The following CPEB4 variants were observed in gnomAD, a reference collection of about 807,000 sequenced individuals.
CPEB4 encodes the protein cytoplasmic polyadenylation element binding protein 4.
CPEB4 carries 12 observed loss-of-function variants against 72.5 expected under a neutral mutation model. The observed-to-expected ratio is 0.17, with a 90% CI of 0.11 to 0.27. The LOEUF is 0.27. Ranked by LOEUF, CPEB4 falls within the 10% of genes least tolerant of loss-of-function variation. The pLI, the probability that CPEB4 is intolerant of heterozygous loss-of-function variation, is 1.00. For missense variants in CPEB4, 614 were observed against 908.5 expected (o/e 0.68, Z 4.17); for synonymous variants, 302 against 326.3 (o/e 0.93, Z 0.80).
At position 173,955,872 on chromosome 5, in the gene CPEB4, A is replaced by G. The variant is rs1480323743; in HGVS notation, c.1963-38A>G. 1 of 1,519,494 alleles carries G rather than the reference A, an allele frequency of 6.6e-7. No homozygotes were observed. The highest frequency in any genetic ancestry group is 1.7e-5 in the Admixed American group (1 of 58,684). 94.1% of individuals were successfully genotyped at this position (1,519,494 alleles called of 1,614,324 possible). On this transcript the variant is annotated intron_variant, in intron 9 of 9. Coordinates refer to ENST00000265085, the MANE Select transcript of CPEB4 (RefSeq NM_030627.4). This position sits in a 1 kb window ranked among gnomAD's most constrained non-coding sequence, Gnocchi z 4.7. ...CATGTATGGTAAGCATTGCTGGCCT[A>G]GTCACTGAAAAATGTAAACTCTTAT...
chr5:173,946,968 G>A (rs962169670), intron 5 of CPEB4, among the ~76,000 whole-genome samples: 1 of 151,752 alleles, frequency 6.6e-6, no homozygotes, highest in African/African-American at 2.4e-5. Context: ...TCCCCCCCAA[G>A]ATAAGGGCTC....
chr5:173,936,046 T>C (rs907535961), intron 3 of CPEB4, among the ~76,000 whole-genome samples: 1 of 152,226 alleles, frequency 6.6e-6, no homozygotes, highest in Non-Finnish European at 1.5e-5. Context: ...AATTTATTGC[T>C]GTGTTAATAG....
chr5:173,957,342 A>G lies in CPEB4; in HGVS notation c.*1205A>G, dbSNP rs1194254017. 1.3e-5 allele frequency: 2 copies of G among 152,802 alleles called. No homozygotes were observed. The highest frequency in any genetic ancestry group is 2.9e-5 in the Non-Finnish European group (2 of 68,042). The allele number at this position is 152,802 out of a possible 1,614,324, so 9.5% of individuals were successfully genotyped here. On this transcript the variant is annotated 3_prime_UTR_variant, in exon 10 of 10. Coordinates refer to ENST00000265085, the MANE Select transcript of CPEB4 (RefSeq NM_030627.4). The stretch of plus-strand genomic sequence containing the variant: ...CAGTTAAAAAAAGTGAAGTAGTTGC[A>G]AAGTGTTTTGCACTGTTGAACTAAG...
chr5:173,912,683 C>G (rs1333332772), intron 2 of CPEB4, among the ~76,000 whole-genome samples: 3 of 148,204 alleles, frequency 2.0e-5, no homozygotes, highest in Non-Finnish European at 4.5e-5. Flanking sequence ...GCTTATAATC[C>G]CAGCACTTTG....
At position 173,888,546 on chromosome 5, in the gene CPEB4, C is replaced by T; in HGVS notation, c.-1188C>T. Reference sequence around the variant, plus strand: ...CGGGACCAGGGTAAAGCGGCGACGGCGGCGACGGCCCAGCAACCGTGAGGA... The same window carrying T: ...CGGGACCAGGGTAAAGCGGCGACGGTGGCGACGGCCCAGCAACCGTGAGGA... On this transcript the variant is annotated 5_prime_UTR_variant, in exon 1 of 10. Transcript: ENST00000265085. This position sits in a 1 kb window ranked among gnomAD's most constrained non-coding sequence, Gnocchi z 4.3. The T allele has an allele frequency of 2.5e-6, 1 of 402,778 alleles. No homozygotes were observed. Among genetic ancestry groups the T allele is most frequent in the Non-Finnish European group, 4.4e-6 (1 of 228,954 alleles). 25.0% of individuals were successfully genotyped at this position (402,778 alleles called of 1,614,324 possible).
rs370259283 is a variant in CPEB4 at position 173,904,972 on chromosome 5, G to GATAATA, written c.1126-5510_1126-5505dup. ...GGCAACAGAGTGAGACCCTGTCTCA[G>GATAATA]ATAATAATAATAATAATAATAATAA... On this transcript the variant is annotated intron_variant, in intron 1 of 9. Transcript: ENST00000265085. 6.7e-3 allele frequency among the ~76,000 whole-genome samples: 842 copies of GATAATA among 125,222 alleles called. 4 individuals carry two copies. Among genetic ancestry groups the GATAATA allele is most frequent in the African/African-American group, 0.013 (458 of 34,722 alleles). The allele number at this position is 125,222 out of a possible 152,430, so 82.2% of individuals were successfully genotyped here.
chr5:173,926,265 C>CTTAT (rs1757237854), intron 2 of CPEB4, among the ~76,000 whole-genome samples: 1 of 152,168 alleles, frequency 6.6e-6, no homozygotes, highest in Non-Finnish European at 1.5e-5. Flanking sequence ...GAAAGTAATA[C>CTTAT]TTATATATAC....
chr5:173,927,512 T>C (rs551002284), intron 2 of CPEB4, among the ~76,000 whole-genome samples: 1 of 152,266 alleles, frequency 6.6e-6, no homozygotes, highest in East Asian at 1.9e-4. Context: ...GCGCAGTGGC[T>C]CAAGCCTGTA....
At chr5:173,925,171 C>T (rs1039464706) in intron 2 of CPEB4, among the ~76,000 whole-genome samples, 1 of 152,114 alleles carries the variant, frequency 6.6e-6, no homozygotes. Context: ...GCTGGAGTGC[C>T]TGATGTGGGA....
At chr5:173,945,633 G>C (rs765280157) in intron 5 of CPEB4, among the ~76,000 whole-genome samples, 3 of 152,214 alleles carry the variant, frequency 2.0e-5, no homozygotes, top group Non-Finnish European at 4.4e-5. Context: ...GAAGGTCCCT[G>C]CTTACATAGA....
At position 173,956,524 on chromosome 5, in the gene CPEB4, TA is replaced by T. The variant is rs1758383028; in HGVS notation, c.*391del. 1 of 157,250 alleles carries T rather than the reference TA, an allele frequency of 6.4e-6. No homozygotes were observed. The highest frequency in any genetic ancestry group is 1.4e-5 in the Non-Finnish European group (1 of 71,810). 9.7% of individuals were successfully genotyped at this position (157,250 alleles called of 1,614,324 possible). ...ATATAACATATAAGAATACTTTTATTAAAATAACCATGCAACAATAACACTA... is the reference window on the plus strand; with the variant it reads ...ATATAACATATAAGAATACTTTTATTAAATAACCATGCAACAATAACACTA... On this transcript the variant is annotated 3_prime_UTR_variant, in exon 10 of 10. Coordinates refer to ENST00000265085, the MANE Select transcript of CPEB4 (RefSeq NM_030627.4).
chr5:173,931,703 A>G (rs1321187322), intron 2 of CPEB4, among the ~76,000 whole-genome samples: 1 of 152,220 alleles, frequency 6.6e-6, no homozygotes, highest in African/African-American at 2.4e-5. Flanking sequence ...AAACTCTTCC[A>G]AAACAGAAAT....
At chr5:173,902,698 C>T (rs1344212844) in intron 1 of CPEB4, among the ~76,000 whole-genome samples, 1 of 152,068 alleles carries the variant, frequency 6.6e-6, no homozygotes, top group African/African-American at 2.4e-5. Context: ...GAGAAATTTG[C>T]CTTGCAGGTT....
At chr5:173,898,231 C>G (rs983462685) in intron 1 of CPEB4, among the ~76,000 whole-genome samples, 1 of 151,892 alleles carries the variant, frequency 6.6e-6, no homozygotes, top group Non-Finnish European at 1.5e-5. Context: ...ATAGTTCTTC[C>G]AGGTATTCTT....
intron 2 of CPEB4, among the ~76,000 whole-genome samples, chr5:173,929,525 C>T (rs1387304427): frequency 6.6e-6 from 1 of 151,950 alleles, no homozygotes; most frequent in South Asian, 2.1e-4. Flanking sequence ...ATAGGGAGAC[C>T]CCCATCTCTA....
rs1167428369 is a variant in CPEB4 at position 173,935,716 on chromosome 5, C to T, written c.1258+3216C>T. On this transcript the variant is annotated intron_variant, in intron 3 of 9. Coordinates refer to ENST00000265085, the MANE Select transcript of CPEB4 (RefSeq NM_030627.4). ...GCTTTTAGAAAGAGGTTTAAATCCT[C>T]AATAAACAGAAAGAAAATCCCCTCA... is the stretch of plus-strand genomic sequence containing the variant. Among the ~76,000 whole-genome samples, 3 of 151,862 alleles carry T rather than the reference C, an allele frequency of 2.0e-5. No individual in the cohort carries two copies. In the East Asian group the frequency reaches 5.8e-4, roughly 29 times the overall value.
At chr5:173,951,979 A>G (rs765969204) in intron 8 of CPEB4, 41 bp downstream of exon 8, 65 of 1,250,086 alleles carry the variant, frequency 5.2e-5, no homozygotes, top group Non-Finnish European at 7.6e-5. Context: ...CCTATAGCGC[A>G]AGAAATATGA....
intron 2 of CPEB4, among the ~76,000 whole-genome samples, chr5:173,923,347 A>G (rs1757135126): frequency 6.6e-6 from 1 of 152,170 alleles, no homozygotes; most frequent in African/African-American, 2.4e-5. Flanking sequence ...CTGTAGTCAG[A>G]GAAAAGTCTA....
At chr5:173,945,334 A>T (rs1226397286) in intron 5 of CPEB4, among the ~76,000 whole-genome samples, 194 bp downstream of exon 5, 2 of 152,198 alleles carry the variant, frequency 1.3e-5, no homozygotes, top group African/African-American at 4.8e-5. Flanking sequence ...GTGCAAACCA[A>T]CTAAAGCAAG....
Sources: gnomAD v4.1 joint callset for allele counts (sites outside exome capture counted in the v4.1 genomes callset) on GRCh38, gnomAD v4.1.1 for gene constraint, Gnocchi (gnomAD v3.1) non-coding constraint, MANE v1.5 for transcripts, NCBI Gene and HGNC (gene_info 2026-07-23, HGNC 2026-07-21) for gene names.